MED13L: variants seen among roughly 807,000 people sequenced by gnomAD.
MED13L encodes mediator of RNA polymerase II transcription subunit 13-like.
In MED13L, 7 loss-of-function variants were observed where a neutral mutation model predicts 220.9. The observed-to-expected ratio is 0.03, with a 90% CI of 0.02 to 0.06. The LOEUF is 0.06. Among genes scored for constraint, MED13L ranks in the 10% least tolerant of loss-of-function variants. The probability of loss-of-function intolerance (pLI) is 1.00; values close to 1 mark genes in which losing one functional copy is unlikely to be tolerated. For missense variants in MED13L, 1,965 were observed against 2,760.5 expected (o/e 0.71, Z 6.46); for synonymous variants, 1,011 against 1,015.2 (o/e 1.00, Z 0.08).
intron 4 of MED13L, among the ~76,000 whole-genome samples, chr12:116,084,757 G>A (rs553510329): frequency 6.6e-4 from 99 of 149,998 alleles, no homozygotes; most frequent in African/African-American, 2.3e-3. Context: ...CTGGGTGACA[G>A]AGCAGGACCC....
intron 4 of MED13L, among the ~76,000 whole-genome samples, chr12:116,034,876 C>G (rs972830675): frequency 1.3e-5 from 2 of 152,080 alleles, no homozygotes; most frequent in African/African-American, 4.8e-5. Context: ...CGTGGTGGCA[C>G]AGGCTGTAAT....
At chr12:115,999,799 A>G (rs905518076) in intron 14 of MED13L, among the ~76,000 whole-genome samples, 2 of 152,158 alleles carry the variant, frequency 1.3e-5, no homozygotes, top group African/African-American at 2.4e-5. Flanking sequence ...ACGCACGCAT[A>G]TATCTCAGTT....
intron 2 of MED13L, among the ~76,000 whole-genome samples, chr12:116,198,012 A>G (rs1257975746): frequency 6.6e-6 from 1 of 152,214 alleles, no homozygotes; most frequent in Non-Finnish European, 1.5e-5. Context: ...GCAAACACCT[A>G]TGAATGCACA....
intron 16 of MED13L, among the ~76,000 whole-genome samples, chr12:115,992,651 A>C (rs978952161): frequency 2.0e-5 from 3 of 152,238 alleles, no homozygotes. Flanking sequence ...AAGAGGCCTC[A>C]GTATTAATTA....
intron 2 of MED13L, among the ~76,000 whole-genome samples, chr12:116,144,929 T>C (rs764766813): frequency 3.9e-5 from 6 of 152,248 alleles, no homozygotes; most frequent in Admixed American, 2.6e-4. Flanking sequence ...TTCTGTCCCA[T>C]GGTTGCTCCA....
At chr12:115,990,963 A>G in intron 17 of MED13L, 57 bp downstream of exon 17, 1 of 1,570,020 alleles carries the variant, frequency 6.4e-7, no homozygotes, top group Non-Finnish European at 8.7e-7. Flanking sequence ...GAAAGCTTTT[A>G]AGTTATGATC....
chr12:116,087,094 G>A (rs1003562758), intron 4 of MED13L, among the ~76,000 whole-genome samples: 3 of 152,104 alleles, frequency 2.0e-5, no homozygotes, highest in Admixed American at 2.0e-4. Context: ...GCTTTCTCTA[G>A]TACAAGAAAT....
chr12:116,004,147 C>T (rs1203783472), intron 13 of MED13L, among the ~76,000 whole-genome samples: 1 of 152,124 alleles, frequency 6.6e-6, no homozygotes, highest in East Asian at 1.9e-4. Flanking sequence ...TCAGGCAGGC[C>T]ACTCCAAAAT....
At chr12:116,028,528 T>C (rs760372594) in intron 4 of MED13L, among the ~76,000 whole-genome samples, 1 of 152,182 alleles carries the variant, frequency 6.6e-6, no homozygotes, top group Admixed American at 6.5e-5. Context: ...CTTCTTAACA[T>C]AGTGTTTAGT....
Position 116,277,395 on chromosome 12 carries a change from T to A in MED13L, c.-264A>T. 1 of 153,388 alleles carries A rather than the reference T, an allele frequency of 6.5e-6. No individual in the cohort carries two copies. The highest frequency in any genetic ancestry group is 1.9e-4 in the South Asian group (1 of 5,168). The allele number at this position is 153,388 out of a possible 1,614,324, so 9.5% of individuals were successfully genotyped here. ...CCACCGCCTCCGCCTTCCCTGCTCC[T>A]CAGCCGCCGCCGCCGCCGCTGCTGC... On this transcript the variant is annotated 5_prime_UTR_variant, in exon 1 of 31. Transcript: ENST00000281928.
chr12:116,167,964 T>C (rs1879402301), intron 2 of MED13L, among the ~76,000 whole-genome samples: 1 of 152,200 alleles, frequency 6.6e-6, no homozygotes, highest in African/African-American at 2.4e-5. Flanking sequence ...TTTGAAATAT[T>C]GAAGATAAAA....
chr12:115,973,107 T>C lies in MED13L; in HGVS notation c.5732-871A>G, dbSNP rs568427260. Among the ~76,000 whole-genome samples the C allele has an allele frequency of 7.9e-5, 12 of 152,302 alleles. No homozygotes were observed. The South Asian group carries it at 2.5e-3, about 32-fold the overall frequency. On this transcript the variant is annotated intron_variant, in intron 25 of 30. Transcript: ENST00000281928. The stretch of plus-strand genomic sequence containing the variant: ...TGGAAAACTGTTTCCATATTCCCAA[T>C]GAACCCCAAACTGAAGTGGCTGAAA...
intron 2 of MED13L, among the ~76,000 whole-genome samples, chr12:116,163,777 C>T (rs1241692322): frequency 2.0e-5 from 3 of 152,036 alleles, no homozygotes; most frequent in South Asian, 2.1e-4. Flanking sequence ...GCTGAAATTG[C>T]GTTTTTGAAT....
chr12:115,992,104 T>TAAAA (rs879503143), intron 16 of MED13L, 147 bp from the exon 17 acceptor site: 35 of 627,838 alleles, frequency 5.6e-5, no homozygotes, highest in Non-Finnish European at 6.0e-5. Flanking sequence ...AATTTTCTCT[T>TAAAA]AAAAAAAAAA....
chr12:116,160,585 TAAA>T lies in MED13L; in HGVS notation c.311-49076_311-49074del, dbSNP rs113005311. Among the ~76,000 whole-genome samples the T allele has an allele frequency of 7.2e-5, 10 of 139,706 alleles. No individual in the cohort carries two copies. The South Asian group carries it at 2.3e-3, about 32-fold the overall frequency. The allele number at this position is 139,706 out of a possible 152,430, so 91.7% of individuals were successfully genotyped here. On this transcript the variant is annotated intron_variant, in intron 2 of 30. Coordinates refer to ENST00000281928, the MANE Select transcript of MED13L (RefSeq NM_015335.5). The stretch of plus-strand genomic sequence containing the variant: ...GCTGGACTGGATCCAAACTTTAATT[TAAA>T]AAAAAAAAAAAAGTGTCTCACCCTG...
At chr12:116,014,502 G>C (rs553899094) in intron 8 of MED13L, among the ~76,000 whole-genome samples, 2 of 152,254 alleles carry the variant, frequency 1.3e-5, no homozygotes, top group East Asian at 3.9e-4. Context: ...ATCAGCAGCA[G>C]TCTTTTCTAA....
chr12:116,120,477 TCACACA>T lies in MED13L; in HGVS notation c.311-8971_311-8966del, dbSNP rs1158069310. The stretch of plus-strand genomic sequence containing the variant: ...CTCTCTCTCTCTCTCTCTCTCTCTC[TCACACA>T]CACACACACACACACACACACACAC... On this transcript the variant is annotated intron_variant, in intron 2 of 30. Coordinates refer to ENST00000281928, the MANE Select transcript of MED13L (RefSeq NM_015335.5). 3.0e-3 allele frequency among the ~76,000 whole-genome samples: 235 copies of T among 79,416 alleles called. 1 individual carries two copies. Among genetic ancestry groups the T allele is most frequent in the African/African-American group, 6.4e-3 (126 of 19,764 alleles). The allele number at this position is 79,416 out of a possible 152,430, so 52.1% of individuals were successfully genotyped here. A position where few individuals can be genotyped will look rare whatever the true frequency, so the allele number is the denominator to read the frequency against.
chr12:116,071,049 AT>A (rs1870330393), intron 4 of MED13L, among the ~76,000 whole-genome samples: 1 of 152,228 alleles, frequency 6.6e-6, no homozygotes, highest in East Asian at 1.9e-4. Context: ...AAATATCAGT[AT>A]TTTTAATGAA....
chr12:116,206,742 A>C (rs779491216), intron 2 of MED13L, among the ~76,000 whole-genome samples: 1 of 152,240 alleles, frequency 6.6e-6, no homozygotes, highest in South Asian at 2.1e-4. Context: ...TACTGAAAGA[A>C]GATAAAACGC....
Sources: gnomAD v4.1 joint callset for allele counts (sites outside exome capture counted in the v4.1 genomes callset) on GRCh38, gnomAD v4.1.1 for gene constraint, MANE v1.5 for transcripts, NCBI Gene and HGNC (gene_info 2026-07-23, HGNC 2026-07-21) for gene names.